The following SLC8A2 variants were observed in gnomAD, a reference collection of about 807,000 sequenced individuals.
SLC8A2 encodes the protein sodium/calcium exchanger 2.
SLC8A2 carries 14 observed loss-of-function variants against 70.2 expected under a neutral mutation model. The ratio of observed to expected loss-of-function variants is 0.20; its 90% CI spans 0.13 to 0.31. The LOEUF is 0.31. Ranked by LOEUF, SLC8A2 falls within the 10% of genes least tolerant of loss-of-function variation. The probability of loss-of-function intolerance (pLI) is 1.00; values close to 1 mark genes in which losing one functional copy is unlikely to be tolerated. For missense variants in SLC8A2, 779 were observed against 1,320.1 expected (o/e 0.59, Z 6.35); for synonymous variants, 575 against 594.3 (o/e 0.97, Z 0.47).
chr19:47,449,328 T>G (rs1967207771), intron 3 of SLC8A2, among the ~76,000 whole-genome samples: 2 of 151,890 alleles, frequency 1.3e-5, no homozygotes, highest in Admixed American at 6.6e-5. Context: ...TTGTTGTGTT[T>G]TGTTTTGTTT....
chr19:47,463,469 C>T (rs375489332), intron 2 of SLC8A2, among the ~76,000 whole-genome samples: 1 of 148,104 alleles, frequency 6.8e-6, no homozygotes, highest in Admixed American at 6.7e-5. Flanking sequence ...CAGTGGCTCA[C>T]GCCTGTAATC....
At chr19:47,455,229 C>A (rs904272127) in intron 3 of SLC8A2, among the ~76,000 whole-genome samples, 1 of 152,076 alleles carries the variant, frequency 6.6e-6, no homozygotes, top group Non-Finnish European at 1.5e-5. Context: ...TTGGCTGCTG[C>A]TTGATGGCAG....
In SLC8A2 at chr19:47,466,409, G is replaced by GT; in HGVS notation, c.-7dup. 7.5e-7 allele frequency: 1 copy of GT among 1,329,452 alleles called. No individual in the cohort carries two copies. Among genetic ancestry groups the GT allele is most frequent in the African/African-American group, 1.5e-5 (1 of 67,798 alleles). The allele number at this position is 1,329,452 out of a possible 1,614,324, so 82.4% of individuals were successfully genotyped here. On this transcript the variant is annotated 5_prime_UTR_variant, in exon 2 of 10. Coordinates refer to ENST00000236877, the MANE Select transcript of SLC8A2 (RefSeq NM_015063.3). This position sits in a 1 kb window ranked among gnomAD's most constrained non-coding sequence, Gnocchi z 6.9. ...ACCAAGGCCAGGGGAGCCATGGGGGGTGGTGGGGTCCTATGGGGGAGGAGG... is the reference window on the plus strand; with the variant it reads ...ACCAAGGCCAGGGGAGCCATGGGGGGTTGGTGGGGTCCTATGGGGGAGGAGG...
At chr19:47,455,687 T>G (rs1306644666) in intron 3 of SLC8A2, among the ~76,000 whole-genome samples, 3 of 152,188 alleles carry the variant, frequency 2.0e-5, no homozygotes, top group Non-Finnish European at 4.4e-5. Context: ...TAGTGTGTCA[T>G]GGACAGAAGA....
chr19:47,437,388 A>G, intron 8 of SLC8A2, 74 bp downstream of exon 8: 2 of 1,071,332 alleles, frequency 1.9e-6, no homozygotes, highest in African/African-American at 1.6e-5. Context: ...CTGTCTCTCC[A>G]TTCATTTCTC....
At chr19:47,433,516 G>C (rs1966989073) in intron 8 of SLC8A2, among the ~76,000 whole-genome samples, 1 of 152,200 alleles carries the variant, frequency 6.6e-6, no homozygotes, top group Non-Finnish European at 1.5e-5. Flanking sequence ...TAAACAGAGG[G>C]TTTCTGGAAA....
chr19:47,459,782 T>C (rs1395311239), intron 2 of SLC8A2, among the ~76,000 whole-genome samples: 1 of 151,990 alleles, frequency 6.6e-6, no homozygotes. Context: ...TGCATGTGTG[T>C]CCATCTGTGT....
At chr19:47,431,642 ACT>A (rs1208085839) in intron 9 of SLC8A2, among the ~76,000 whole-genome samples, 2 of 128,284 alleles carry the variant, frequency 1.6e-5, no homozygotes. Flanking sequence ...ACAGAGCGAG[ACT>A]CTGTCCCCAC....
At chr19:47,456,836 G>C (rs1327521459) in intron 3 of SLC8A2, 94 bp downstream of exon 3, 30 of 1,198,592 alleles carry the variant, frequency 2.5e-5, no homozygotes, top group Non-Finnish European at 6.9e-6. Context: ...TCCTGCAGGA[G>C]TCAGTTGGGA....
chr19:47,437,321 C>T (rs1967042325), intron 8 of SLC8A2, 141 bp downstream of exon 8: 1 of 650,892 alleles, frequency 1.5e-6, no homozygotes, highest in Non-Finnish European at 2.7e-6. Context: ...CCTCACCCTC[C>T]CAAAGCGCCA....
rs904750481 is a variant in SLC8A2 at position 47,430,730 on chromosome 19, C to G, written c.2390-265G>C. On this transcript the variant is annotated intron_variant, in intron 9 of 9. Transcript: ENST00000236877. The surrounding 1 kb of genome is among the most constrained non-coding windows in gnomAD (Gnocchi z 5.9). ...TTCTATGGGACTCACTGCGTGATTTCTTTTTTTTTCCTCCGAGACGGAGTT... is the reference window on the plus strand; with the variant it reads ...TTCTATGGGACTCACTGCGTGATTTGTTTTTTTTTCCTCCGAGACGGAGTT... Among the ~76,000 whole-genome samples, 2 of 151,814 alleles carry G rather than the reference C, an allele frequency of 1.3e-5. No individual in the cohort carries two copies. Among genetic ancestry groups the G allele is most frequent in the South Asian group, 4.2e-4 (2 of 4,804 alleles).
intron 3 of SLC8A2, among the ~76,000 whole-genome samples, chr19:47,455,803 G>A (rs1599855365): frequency 1.3e-5 from 2 of 152,150 alleles, no homozygotes; most frequent in East Asian, 3.8e-4. Flanking sequence ...GCACACAGTA[G>A]GTGCTCAGGA....
At chr19:47,435,894 C>T (rs190714937) in intron 8 of SLC8A2, among the ~76,000 whole-genome samples, 30 of 152,256 alleles carry the variant, frequency 2.0e-4, no homozygotes, top group African/African-American at 6.7e-4. Context: ...CTCCACTTTC[C>T]TCCCACAAGC....
chr19:47,445,104 T>C (rs545503179), intron 4 of SLC8A2, among the ~76,000 whole-genome samples: 1 of 146,272 alleles, frequency 6.8e-6, no homozygotes, highest in Non-Finnish European at 1.5e-5. Context: ...CTCTTCCTTT[T>C]TTTCGGGGGT....
At chr19:47,455,390 C>T (rs996444424) in intron 3 of SLC8A2, among the ~76,000 whole-genome samples, 5 of 152,204 alleles carry the variant, frequency 3.3e-5, no homozygotes, top group African/African-American at 1.2e-4. Flanking sequence ...TTCTTCACAG[C>T]TCCTACCACT....
chr19:47,428,681 AG>A lies in SLC8A2; in HGVS notation c.*1407del, dbSNP rs1966908464. ...GACTGTTTTTCAGGCAGAATTTCAAAGTTTTATGGCAACTTTTACAGAAATC... is the reference window on the plus strand; with the variant it reads ...GACTGTTTTTCAGGCAGAATTTCAAATTTTATGGCAACTTTTACAGAAATC... On this transcript the variant is annotated 3_prime_UTR_variant, in exon 10 of 10. Coordinates refer to ENST00000236877, the MANE Select transcript of SLC8A2 (RefSeq NM_015063.3). 1 of 152,538 alleles carries A rather than the reference AG, an allele frequency of 6.6e-6. No individual in the cohort carries two copies. Among genetic ancestry groups the A allele is most frequent in the Admixed American group, 6.5e-5 (1 of 15,274 alleles). The allele number at this position is 152,538 out of a possible 1,614,324, so 9.4% of individuals were successfully genotyped here.
At chr19:47,458,607 C>G (rs927528687) in intron 2 of SLC8A2, among the ~76,000 whole-genome samples, 2 of 143,664 alleles carry the variant, frequency 1.4e-5, no homozygotes, top group African/African-American at 5.2e-5. Flanking sequence ...TCTCTCCCCC[C>G]ATTTCTCTCT....
chr19:47,440,625 C>T (rs1347627912), intron 6 of SLC8A2, among the ~76,000 whole-genome samples: 1 of 150,472 alleles, frequency 6.6e-6, no homozygotes, highest in Non-Finnish European at 1.5e-5. Flanking sequence ...GAGTTTCGTT[C>T]TTGTTCCCCA....
intron 3 of SLC8A2, among the ~76,000 whole-genome samples, chr19:47,456,168 A>G (rs1967300962): frequency 1.3e-5 from 2 of 152,304 alleles, no homozygotes; most frequent in South Asian, 4.1e-4. Flanking sequence ...CACATAATGG[A>G]GCTATAATAA....
Sources: allele counts gnomAD v4.1 joint callset (sites outside exome capture counted in the v4.1 genomes callset), GRCh38; gene constraint gnomAD v4.1.1; non-coding constraint Gnocchi (gnomAD v3.1); transcripts MANE v1.5; gene names NCBI Gene and HGNC (gene_info 2026-07-23, HGNC 2026-07-21).